The following UBE2G1 variants were observed in gnomAD, a reference collection of about 807,000 sequenced individuals.
The protein encoded by UBE2G1 is ubiquitin conjugating enzyme E2 G1.
Under a neutral mutation model 22.7 loss-of-function variants are expected in UBE2G1, and 5 were observed. The observed-to-expected ratio is 0.22, with a 90% confidence interval of 0.12 to 0.46. UBE2G1 has a LOEUF of 0.46. Among genes scored for constraint, UBE2G1 ranks in the 20% least tolerant of loss-of-function variants. UBE2G1 has a pLI of 0.99. For missense variants in UBE2G1, 88 were observed against 203.9 expected (o/e 0.43, Z 3.46); for synonymous variants, 74 against 67.5 (o/e 1.10, Z -0.47).
chr17:4,338,409 C>T (rs1411735461), intron 1 of UBE2G1, among the ~76,000 whole-genome samples: 2 of 152,130 alleles, frequency 1.3e-5, no homozygotes, highest in Admixed American at 6.6e-5. Context: ...TTGTCAAAAG[C>T]ATCTAACAGA....
intron 1 of UBE2G1, among the ~76,000 whole-genome samples, chr17:4,324,156 T>C (rs537425990): frequency 2.0e-5 from 3 of 152,274 alleles, no homozygotes; most frequent in African/African-American, 7.2e-5. Context: ...TGATGCAAAA[T>C]GGTATACACA....
intron 1 of UBE2G1, among the ~76,000 whole-genome samples, chr17:4,342,356 G>A (rs1053361115): frequency 2.6e-5 from 4 of 152,272 alleles, no homozygotes; most frequent in South Asian, 2.1e-4. Context: ...TAGGCCAGGC[G>A]CAGTAGCTCA....
intron 1 of UBE2G1, among the ~76,000 whole-genome samples, chr17:4,342,910 C>T (rs1221291863): frequency 6.6e-6 from 1 of 152,154 alleles, no homozygotes. Context: ...GGCCTCTCTC[C>T]CACTGCAGCG....
chr17:4,318,254 C>G (rs1969399546), intron 1 of UBE2G1, among the ~76,000 whole-genome samples: 1 of 152,170 alleles, frequency 6.6e-6, no homozygotes, highest in Non-Finnish European at 1.5e-5. Flanking sequence ...AGGAATACGT[C>G]TGTATTCTTC....
At chr17:4,354,156 A>G (rs1280689869) in intron 1 of UBE2G1, among the ~76,000 whole-genome samples, 1 of 152,166 alleles carries the variant, frequency 6.6e-6, no homozygotes, top group African/African-American at 2.4e-5. Context: ...CAAATTTGAC[A>G]GATCTTTTAA....
intron 1 of UBE2G1, among the ~76,000 whole-genome samples, chr17:4,359,096 GAA>G (rs1567531779): frequency 6.6e-6 from 1 of 151,840 alleles, no homozygotes; most frequent in Non-Finnish European, 1.5e-5. Context: ...AAAAGCAAAG[GAA>G]AAGTGTCTCC....
At chr17:4,284,460 G>T (rs916786492) in intron 4 of UBE2G1, among the ~76,000 whole-genome samples, 26 of 151,748 alleles carry the variant, frequency 1.7e-4, no homozygotes, top group Non-Finnish European at 5.9e-5. Flanking sequence ...ATTTAGCCAG[G>T]CATGGTGGCA....
chr17:4,288,347 C>T (rs1028366615), intron 4 of UBE2G1, among the ~76,000 whole-genome samples: 1 of 152,114 alleles, frequency 6.6e-6, no homozygotes, highest in African/African-American at 2.4e-5. Context: ...CTGCCTCAGC[C>T]TCCCGAGTAG....
At chr17:4,298,810 C>G (rs978591955) in intron 2 of UBE2G1, among the ~76,000 whole-genome samples, 3 of 151,954 alleles carry the variant, frequency 2.0e-5, no homozygotes, top group African/African-American at 7.3e-5. Flanking sequence ...AAGAGATATT[C>G]GAAGAAATGT....
chr17:4,281,506 TCAGA>T (rs1410012650), intron 5 of UBE2G1, among the ~76,000 whole-genome samples: 1 of 152,206 alleles, frequency 6.6e-6, no homozygotes, highest in Non-Finnish European at 1.5e-5. Flanking sequence ...TTGTGATTTT[TCAGA>T]CAGTGTATTT....
At chr17:4,335,918 G>A (rs935531449) in intron 1 of UBE2G1, among the ~76,000 whole-genome samples, 3 of 152,184 alleles carry the variant, frequency 2.0e-5, no homozygotes, top group Non-Finnish European at 4.4e-5. Context: ...GGCCAAGGCG[G>A]GAGGATCACT....
chr17:4,340,014 G>A (rs1969693585), intron 1 of UBE2G1, among the ~76,000 whole-genome samples: 3 of 152,182 alleles, frequency 2.0e-5, no homozygotes, highest in Non-Finnish European at 4.4e-5. Context: ...GCTCACTGCA[G>A]CCCTGGCTGT....
chr17:4,343,531 C>CT (rs1969734194), intron 1 of UBE2G1, among the ~76,000 whole-genome samples: 1 of 152,204 alleles, frequency 6.6e-6, no homozygotes, highest in Non-Finnish European at 1.5e-5. Flanking sequence ...TCCAAGCCCT[C>CT]TTTTCATATA....
chr17:4,294,219 C>G (rs1002738681), intron 3 of UBE2G1, among the ~76,000 whole-genome samples: 11 of 152,062 alleles, frequency 7.2e-5, no homozygotes, highest in Non-Finnish European at 1.0e-4. Context: ...AGTTCAAGAC[C>G]AGCCTGTCCA....
chr17:4,275,607 T>TA lies in UBE2G1; in HGVS notation c.*38-3092dup, dbSNP rs530739680. ...CAAAACCTAATCTTTTAAAAAGATC[T>TA]AAAAAAATATAAAACAGACCAATGT... On this transcript the variant is annotated intron_variant, in intron 5 of 5. Coordinates refer to ENST00000396981, the MANE Select transcript of UBE2G1 (RefSeq NM_003342.5). Among the ~76,000 whole-genome samples the TA allele has an allele frequency of 6.3e-4, 96 of 152,232 alleles. 1 individual carries two copies. The South Asian group carries it at 0.017, about 27-fold the overall frequency.
intron 1 of UBE2G1, among the ~76,000 whole-genome samples, chr17:4,361,689 A>G (rs1254485107): frequency 1.3e-5 from 2 of 152,090 alleles, no homozygotes; most frequent in East Asian, 1.9e-4. Context: ...CTGTAATTCC[A>G]GCACTTTCGT....
chr17:4,317,185 A>G (rs766373763), intron 1 of UBE2G1, among the ~76,000 whole-genome samples: 6 of 152,114 alleles, frequency 3.9e-5, no homozygotes, highest in Admixed American at 2.0e-4. Flanking sequence ...CCCCATCTCC[A>G]CTAAAAATAC....
At chr17:4,325,692 C>T (rs1360963851) in intron 1 of UBE2G1, among the ~76,000 whole-genome samples, 5 of 152,144 alleles carry the variant, frequency 3.3e-5, no homozygotes. Context: ...AGTTGGAGAA[C>T]TCACATGTCC....
chr17:4,331,387 G>A (rs1364551977), intron 1 of UBE2G1, among the ~76,000 whole-genome samples: 2 of 152,148 alleles, frequency 1.3e-5, no homozygotes, highest in Non-Finnish European at 2.9e-5. Context: ...TATGATAGTA[G>A]CAGCATATGA....
Sources: gnomAD v4.1 joint callset for allele counts (sites outside exome capture counted in the v4.1 genomes callset) on GRCh38, gnomAD v4.1.1 for gene constraint, MANE v1.5 for transcripts, NCBI Gene and HGNC (gene_info 2026-07-23, HGNC 2026-07-21) for gene names.